CELF2: variants seen among roughly 807,000 people sequenced by gnomAD.
The protein encoded by CELF2 is CUGBP Elav-like family member 2, also known as CUG triplet repeat RNA-binding protein 2.
A neutral mutation model predicts 62.6 loss-of-function variants in CELF2; 8 were observed. The ratio of observed to expected loss-of-function variants is 0.13; its 90% CI spans 0.07 to 0.23. The LOEUF (loss-of-function observed/expected upper bound fraction) is 0.23, where lower values mean the gene tolerates loss of function less well. CELF2 is among the 10% of genes least tolerant of loss of function. The pLI, the probability that CELF2 is intolerant of heterozygous loss-of-function variation, is 1.00. For missense variants in CELF2, 333 were observed against 671.0 expected (o/e 0.50, Z 5.56); for synonymous variants, 258 against 250.0 (o/e 1.03, Z -0.30).
the CELF2 span, among the ~76,000 whole-genome samples, chr10:10,696,610 G>A: frequency 1.3e-5 from 2 of 151,924 alleles, no homozygotes; most frequent in South Asian, 2.1e-4. Flanking sequence ...GCCTCGCTGC[G>A]GCCTTGCAGT....
In CELF2 at chr10:11,319,523, G is replaced by C. The variant is rs2095305393; in HGVS notation, c.1097-1666G>C. On this transcript the variant is annotated intron_variant, in intron 10 of 12. Transcript: ENST00000633077. The surrounding 1 kb of genome is among the most constrained non-coding windows in gnomAD (Gnocchi z 4.4). ...CTCTTTGGACAGCACTTACTTGCAT[G>C]ACCCAAAGAAAACATTAATGAAAAT... 1.3e-5 allele frequency among the ~76,000 whole-genome samples: 2 copies of C among 152,122 alleles called. No homozygotes were observed. The highest frequency in any genetic ancestry group is 6.5e-5 in the Admixed American group (1 of 15,278).
At chr10:11,202,731 A>C (rs2059489097) in intron 2 of CELF2, among the ~76,000 whole-genome samples, 1 of 152,178 alleles carries the variant, frequency 6.6e-6, no homozygotes, top group Non-Finnish European at 1.5e-5. Flanking sequence ...TTTAGAACTA[A>C]CAGTGAGACC....
the CELF2 span, among the ~76,000 whole-genome samples, chr10:10,639,909 A>G: frequency 6.6e-6 from 1 of 152,206 alleles, no homozygotes; most frequent in African/African-American, 2.4e-5. Flanking sequence ...CTTTCTCTAC[A>G]TGAAACAGTC....
intron 1 of CELF2, among the ~76,000 whole-genome samples, chr10:10,881,723 G>C (rs2061447200): frequency 6.7e-6 from 1 of 148,978 alleles, no homozygotes; most frequent in African/African-American, 2.4e-5. Flanking sequence ...TCATCTCTCA[G>C]AGTCCACCCG....
chr10:10,794,603 C>T (rs2054034076), upstream of CELF2: 1 of 151,422 alleles, frequency 6.6e-6, no homozygotes, highest in African/African-American at 2.4e-5. Context: ...TTTTTAAAGC[C>T]CCTATCAGGA....
chr10:11,009,710 T>A (rs1422036339), intron 1 of CELF2, among the ~76,000 whole-genome samples: 2 of 152,180 alleles, frequency 1.3e-5, no homozygotes, highest in Non-Finnish European at 2.9e-5. Context: ...AGGATGGTGA[T>A]GAATCACTTG....
intron 1 of CELF2, chr10:11,097,936 C>A (rs1281995131): frequency 1.3e-5 from 2 of 152,302 alleles, no homozygotes; most frequent in African/African-American, 4.8e-5. Context: ...CCACATGACA[C>A]CTCATGCATG....
At chr10:10,766,593 G>T in the CELF2 span, among the ~76,000 whole-genome samples, 1 of 152,200 alleles carries the variant, frequency 6.6e-6, no homozygotes, top group Non-Finnish European at 1.5e-5. Flanking sequence ...CTGGAGGTTA[G>T]GTACTCAGCA....
chr10:10,608,252 G>T, the CELF2 span, among the ~76,000 whole-genome samples: 1 of 152,172 alleles, frequency 6.6e-6, no homozygotes, highest in East Asian at 1.9e-4. Context: ...GAAGATACTT[G>T]GTTTGGGGTT....
At chr10:10,710,299 C>T in the CELF2 span, among the ~76,000 whole-genome samples, 2 of 152,134 alleles carry the variant, frequency 1.3e-5, no homozygotes, top group Non-Finnish European at 2.9e-5. Flanking sequence ...AAGTTGTTAC[C>T]GTCGTCATAA....
intron 1 of CELF2, among the ~76,000 whole-genome samples, chr10:10,830,068 G>A (rs1019498019): frequency 1.0e-4 from 15 of 150,142 alleles, no homozygotes; most frequent in Non-Finnish European, 8.9e-5. Context: ...GAGTGTATCC[G>A]TGTAGAAAAG....
chr10:10,811,036 G>C (rs2055827207), intron 1 of CELF2, among the ~76,000 whole-genome samples: 2 of 152,158 alleles, frequency 1.3e-5, no homozygotes, highest in African/African-American at 4.8e-5. Context: ...GTATCAAAAT[G>C]TCTCCTCGCT....
the CELF2 span, among the ~76,000 whole-genome samples, chr10:10,704,845 A>AC: frequency 6.6e-6 from 1 of 151,026 alleles, no homozygotes; most frequent in Non-Finnish European, 1.5e-5. Flanking sequence ...ATGCTCACCC[A>AC]CCCCATCCCC....
chr10:11,254,872 T>C (rs1046228006), intron 4 of CELF2, among the ~76,000 whole-genome samples: 2 of 152,022 alleles, frequency 1.3e-5, no homozygotes, highest in African/African-American at 4.8e-5. Context: ...TTCTCCCTTT[T>C]CTACCCCCTT....
chr10:10,615,332 CA>C, the CELF2 span, among the ~76,000 whole-genome samples: 1 of 152,070 alleles, frequency 6.6e-6, no homozygotes, highest in Non-Finnish European at 1.5e-5. Context: ...CACAAAGCAG[CA>C]AAAAATTTGG....
At chr10:11,222,090 G>A (rs891908329) in intron 3 of CELF2, among the ~76,000 whole-genome samples, 2 of 152,160 alleles carry the variant, frequency 1.3e-5, no homozygotes, top group Non-Finnish European at 2.9e-5. Context: ...TTCCTCCCAA[G>A]CAGGCTTCAC....
chr10:10,803,166 A>G (rs1156323237), intron 1 of CELF2, among the ~76,000 whole-genome samples: 3 of 152,104 alleles, frequency 2.0e-5, no homozygotes, highest in Non-Finnish European at 4.4e-5. Flanking sequence ...TCCCTGCTTC[A>G]CTCTTGCTCT....
At chr10:10,651,657 G>A in the CELF2 span, among the ~76,000 whole-genome samples, 10 of 149,982 alleles carry the variant, frequency 6.7e-5, no homozygotes, top group Admixed American at 1.3e-4. Flanking sequence ...TGCAGCTGAG[G>A]GTCCTGTCTG....
At chr10:10,961,616 G>A (rs1003323441) in intron 2 of CELF2, among the ~76,000 whole-genome samples, 5 of 151,800 alleles carry the variant, frequency 3.3e-5, no homozygotes, top group African/African-American at 1.2e-4. Context: ...TGTGGTAGTG[G>A]GCGCCTATAA....
Sources: allele counts gnomAD v4.1 joint callset (sites outside exome capture counted in the v4.1 genomes callset), GRCh38; gene constraint gnomAD v4.1.1; non-coding constraint Gnocchi (gnomAD v3.1); transcripts MANE v1.5; gene names NCBI Gene and HGNC (gene_info 2026-07-23, HGNC 2026-07-21).